The following DNM1 variants were observed in gnomAD, a reference collection of about 807,000 sequenced individuals.
The protein encoded by DNM1 is dynamin 1, also known as dynamin-1.
Under a neutral mutation model 104.6 loss-of-function variants are expected in DNM1, and 29 were observed. The ratio of observed to expected loss-of-function variants is 0.28; its 90% confidence interval spans 0.21 to 0.38. DNM1 has a LOEUF of 0.38. Ranked by LOEUF, DNM1 falls within the 10% of genes least tolerant of loss-of-function variation. The probability of loss-of-function intolerance (pLI) is 1.00; values close to 1 mark genes in which losing one functional copy is unlikely to be tolerated. For synonymous variants in DNM1, 445 were observed against 475.8 expected (o/e 0.94, Z 0.84); for missense variants, 640 against 1,189.4 (o/e 0.54, Z 6.79).
intron 1 of DNM1, among the ~76,000 whole-genome samples, chr9:128,209,037 G>A (rs959983229): frequency 1.2e-4 from 18 of 152,148 alleles, no homozygotes; most frequent in Non-Finnish European, 2.2e-4. Context: ...AGGAGGGTTG[G>A]GGAGGCGGGG....
At chr9:128,233,384 C>A (rs2131223809) in intron 10 of DNM1, among the ~76,000 whole-genome samples, 1 of 152,326 alleles carries the variant, frequency 6.6e-6, no homozygotes, top group African/African-American at 2.4e-5. Flanking sequence ...TGGCCCCCGC[C>A]TTGCATGTCC....
chr9:128,228,695 A>T (rs1351499769), intron 10 of DNM1, among the ~76,000 whole-genome samples: 1 of 152,232 alleles, frequency 6.6e-6, no homozygotes, highest in Non-Finnish European at 1.5e-5. Context: ...AAAAACTGGA[A>T]ACTATCTGGC....
At position 128,254,816 on chromosome 9, in the gene DNM1, C is replaced by G; in HGVS notation, c.*102C>G. The G allele has an allele frequency of 1.1e-6, 1 of 921,800 alleles. No individual in the cohort carries two copies. The highest frequency in any genetic ancestry group is 1.7e-6 in the Non-Finnish European group (1 of 580,722). 57.1% of individuals were successfully genotyped at this position (921,800 alleles called of 1,614,324 possible). The stretch of plus-strand genomic sequence containing the variant: ...CCCCAGCCCCAAAGCCAGCCCCCTT[C>G]ATCTGTGACTTAATCTGTTGTAGTG... On this transcript the variant is annotated 3_prime_UTR_variant, in exon 22 of 22. Transcript: ENST00000372923. The surrounding 1 kb of genome is among the most constrained non-coding windows in gnomAD (Gnocchi z 6.1).
At chr9:128,231,928 C>G in intron 10 of DNM1, 1 of 449,664 alleles carries the variant, frequency 2.2e-6, no homozygotes, top group Non-Finnish European at 4.5e-6. Context: ...ACCCGGTGGG[C>G]TCCAGGCTGA....
rs561719219 is a variant in DNM1, at chr9:128,203,784, C to T, written c.161+153C>T. Among the ~76,000 whole-genome samples, 14 of 142,146 alleles carry T rather than the reference C, an allele frequency of 9.8e-5. No homozygotes were observed. The South Asian group carries it at 1.5e-3, about 15-fold the overall frequency. The allele number at this position is 142,146 out of a possible 152,430, so 93.3% of individuals were successfully genotyped here. A position where few individuals can be genotyped will look rare whatever the true frequency, so the allele number is the denominator to read the frequency against. ...CCCCCAGCCGGAGCGAGGAGGCCCT[C>T]CCCCCACCACGAGAGCCCCTCGGGG... On this transcript the variant is annotated intron_variant, in intron 1 of 21. Transcript: ENST00000372923. This position sits in a 1 kb window ranked among gnomAD's most constrained non-coding sequence, Gnocchi z 5.3.
intron 11 of DNM1, chr9:128,235,026 C>G (rs917249596): frequency 6.6e-6 from 1 of 151,678 alleles, no homozygotes; most frequent in African/African-American, 2.4e-5. Flanking sequence ...CTCCTGATCT[C>G]AAGTGATCCA....
chr9:128,231,741 G>A (rs972269700), intron 10 of DNM1, among the ~76,000 whole-genome samples: 2 of 152,186 alleles, frequency 1.3e-5, no homozygotes, highest in African/African-American at 4.8e-5. Context: ...GGCATGGGAT[G>A]TGCTGCTCAG....
At chr9:128,235,218 G>A (rs915451027) in intron 11 of DNM1, among the ~76,000 whole-genome samples, 4 of 151,958 alleles carry the variant, frequency 2.6e-5, no homozygotes, top group Admixed American at 2.0e-4. Flanking sequence ...CTTCCTGGCC[G>A]GGCGTGGTGG....
chr9:128,247,240 G>A lies in DNM1; in HGVS notation c.1782-135G>A. 1 of 566,532 alleles carries A rather than the reference G, an allele frequency of 1.8e-6. No homozygotes were observed. Among genetic ancestry groups the A allele is most frequent in the Non-Finnish European group, 3.2e-6 (1 of 311,088 alleles). The allele number at this position is 566,532 out of a possible 1,614,324, so 35.1% of individuals were successfully genotyped here. A position where few individuals can be genotyped will look rare whatever the true frequency, so the allele number is the denominator to read the frequency against. On this transcript the variant is annotated intron_variant, in intron 16 of 21. Transcript: ENST00000372923. The surrounding 1 kb of genome is among the most constrained non-coding windows in gnomAD (Gnocchi z 5.1). Reference sequence around the variant, plus strand: ...TGAGGAAACTGAGGCTGAGAGGAAGGGACTTGCACAGGGTCACACAGCTGG... The same window carrying A: ...TGAGGAAACTGAGGCTGAGAGGAAGAGACTTGCACAGGGTCACACAGCTGG...
At position 128,220,815 on chromosome 9, in the gene DNM1, A is replaced by G. The variant is rs1834924001; in HGVS notation, c.849+474A>G. Among the ~76,000 whole-genome samples the G allele has an allele frequency of 6.7e-6, 1 of 149,546 alleles. No homozygotes were observed. Among genetic ancestry groups the G allele is most frequent in the Admixed American group, 6.7e-5 (1 of 15,018 alleles). On this transcript the variant is annotated intron_variant, in intron 6 of 21. Coordinates refer to ENST00000372923, the MANE Select transcript of DNM1 (RefSeq NM_004408.4). The surrounding 1 kb of genome is among the most constrained non-coding windows in gnomAD (Gnocchi z 5.2). ...TAGGCAAGACCTGGTTTCCAATCCC[A>G]GTTTTGTCACTCCCCCTCTGAGACA...
In DNM1 at chr9:128,203,506, G is replaced by C. The variant is rs1436655401; in HGVS notation, c.36G>C (p.Leu12=). ...GNRGMEDLIP[L]VNRLQDAFSA... ...GCGGCATGGAAGATCTCATCCCGCT[G>C]GTCAACCGGCTGCAAGACGCCTTCT... Residue 12 remains leucine, a synonymous_variant, in exon 1 of 22, where the codon CTG becomes CTC. Transcript: ENST00000372923. The surrounding 1 kb of genome is among the most constrained non-coding windows in gnomAD (Gnocchi z 5.3). 1 of 1,537,794 alleles carries C rather than the reference G, an allele frequency of 6.5e-7. No homozygotes were observed. Among genetic ancestry groups the C allele is most frequent in the Non-Finnish European group, 8.7e-7 (1 of 1,145,596 alleles).
chr9:128,229,604 A>T (rs111266487), intron 10 of DNM1, among the ~76,000 whole-genome samples: 33 of 137,618 alleles, frequency 2.4e-4, no homozygotes, highest in African/African-American at 9.2e-4. Flanking sequence ...CCTTATCAAA[A>T]AAAAAAAAAA....
At chr9:128,217,800 C>G (rs1243431075) in intron 1 of DNM1, among the ~76,000 whole-genome samples, 2 of 152,218 alleles carry the variant, frequency 1.3e-5, no homozygotes, top group African/African-American at 4.8e-5. Flanking sequence ...AAGTGAGATG[C>G]TGCCCTGCCC....
At position 128,240,008 on chromosome 9, in the gene DNM1, G is replaced by A; in HGVS notation, c.1557+12G>A. 1.2e-6 allele frequency: 2 copies of A among 1,614,142 alleles called. No homozygotes were observed. The highest frequency in any genetic ancestry group is 1.7e-6 in the Non-Finnish European group (2 of 1,180,000). On this transcript the variant is annotated intron_variant, in intron 14 of 21. Coordinates refer to ENST00000372923, the MANE Select transcript of DNM1 (RefSeq NM_004408.4). This position sits in a 1 kb window ranked among gnomAD's most constrained non-coding sequence, Gnocchi z 5.1. ...AGGATGAGATTCTGGTGAGTACCAG[G>A]ACTGGGGCTCTCGGCTTGTGTAGTG...
Position 128,218,919 on chromosome 9 carries a change from C to A in DNM1, c.386-130C>A. On this transcript the variant is annotated intron_variant, in intron 3 of 21. Coordinates refer to ENST00000372923, the MANE Select transcript of DNM1 (RefSeq NM_004408.4). The surrounding 1 kb of genome is among the most constrained non-coding windows in gnomAD (Gnocchi z 4.8). ...GCCTCCAACAGACTGCCACTTTCGC[C>A]CTGAGATTTCCTAGTCCCACCCACC... is the stretch of plus-strand genomic sequence containing the variant. 6 of 1,295,278 alleles carry A rather than the reference C, an allele frequency of 4.6e-6. No individual in the cohort carries two copies. The highest frequency in any genetic ancestry group is 2.5e-4 in the Middle Eastern group (1 of 4,060). The allele number at this position is 1,295,278 out of a possible 1,614,324, so 80.2% of individuals were successfully genotyped here. A position where few individuals can be genotyped will look rare whatever the true frequency, so the allele number is the denominator to read the frequency against.
intron 11 of DNM1, among the ~76,000 whole-genome samples, chr9:128,236,443 A>G (rs1836017041): frequency 6.6e-6 from 1 of 152,174 alleles, no homozygotes; most frequent in Admixed American, 6.6e-5. Context: ...TTAATTACAA[A>G]CATCATAAAT....
Position 128,218,555 on chromosome 9 carries a change from C to T in DNM1, c.236-27C>T. Reference sequence around the variant, plus strand: ...GGGTTCCAGACCTTGATGCCTACTGCCCTTCCCCTGCCCGCTTCTGGAGCA... The same window carrying T: ...GGGTTCCAGACCTTGATGCCTACTGTCCTTCCCCTGCCCGCTTCTGGAGCA... On this transcript the variant is annotated intron_variant, in intron 2 of 21. Coordinates refer to ENST00000372923, the MANE Select transcript of DNM1 (RefSeq NM_004408.4). The surrounding 1 kb of genome is among the most constrained non-coding windows in gnomAD (Gnocchi z 4.8). 6.3e-7 allele frequency: 1 copy of T among 1,597,942 alleles called. No homozygotes were observed. Among genetic ancestry groups the T allele is most frequent in the Non-Finnish European group, 8.6e-7 (1 of 1,168,768 alleles).
At chr9:128,250,446 A>G (rs1336682427) in intron 20 of DNM1, 90 bp downstream of exon 20, 6 of 1,363,838 alleles carry the variant, frequency 4.4e-6, no homozygotes, top group Non-Finnish European at 5.8e-6. Context: ...CGCCCGCGTC[A>G]CCGGGGTGGC....
rs1009986649 is a variant in DNM1 at position 128,203,384 on chromosome 9, G to A, written c.-87G>A. 6.3e-6 allele frequency: 8 copies of A among 1,270,802 alleles called. No homozygotes were observed. 78.7% of individuals were successfully genotyped at this position (1,270,802 alleles called of 1,614,324 possible). A position where few individuals can be genotyped will look rare whatever the true frequency, so the allele number is the denominator to read the frequency against. On this transcript the variant is annotated 5_prime_UTR_variant, in exon 1 of 22. Coordinates refer to ENST00000372923, the MANE Select transcript of DNM1 (RefSeq NM_004408.4). This position sits in a 1 kb window ranked among gnomAD's most constrained non-coding sequence, Gnocchi z 5.3. ...GGGGGCCCCGCGGCGCAGGCAGTCT[G>A]GGCGCGCGGCTGCAGCGGCGGAGCC...
Sources: allele counts gnomAD v4.1 joint callset (sites outside exome capture counted in the v4.1 genomes callset), GRCh38; gene constraint gnomAD v4.1.1; non-coding constraint Gnocchi (gnomAD v3.1); transcripts MANE v1.5; gene names NCBI Gene and HGNC (gene_info 2026-07-23, HGNC 2026-07-21).